The following PAX5 variants were observed in gnomAD, a reference collection of about 807,000 sequenced individuals.
PAX5 encodes the protein paired box protein Pax-5.
Under a neutral mutation model 43.7 loss-of-function variants are expected in PAX5, and 9 were observed. That is an observed-to-expected ratio of 0.21 (90% CI 0.12 to 0.36). The LOEUF (loss-of-function observed/expected upper bound fraction) is 0.36, where lower values mean the gene tolerates loss of function less well. Among genes scored for constraint, PAX5 ranks in the 10% least tolerant of loss-of-function variants. The pLI is 1.00. For synonymous variants in PAX5, 228 were observed against 214.3 expected (o/e 1.06, Z -0.56); for missense variants, 383 against 532.7 (o/e 0.72, Z 2.77).
chr9:36,966,803 A>C (rs1834482266), intron 5 of PAX5, 79 bp from the exon 6 acceptor site: 2 of 1,353,460 alleles, frequency 1.5e-6, no homozygotes, highest in Non-Finnish European at 2.1e-6. Flanking sequence ...CCCTGAGACT[A>C]TGAAGAGGAC....
At chr9:36,847,049 G>A (rs929996643) in intron 8 of PAX5, 120 bp from the exon 9 acceptor site, 5 of 652,688 alleles carry the variant, frequency 7.7e-6, no homozygotes, top group African/African-American at 3.6e-5. Context: ...AGTTGCAGGC[G>A]CTTTTGTAAC....
chr9:36,956,036 A>G (rs1833446770), intron 6 of PAX5, among the ~76,000 whole-genome samples: 1 of 152,230 alleles, frequency 6.6e-6, no homozygotes, highest in Non-Finnish European at 1.5e-5. Context: ...AACAAGGTGT[A>G]AGACCAAAAT....
chr9:36,853,035 A>G (rs1352627547), intron 8 of PAX5, among the ~76,000 whole-genome samples: 1 of 152,196 alleles, frequency 6.6e-6, no homozygotes, highest in African/African-American at 2.4e-5. Flanking sequence ...TATAGTGAAC[A>G]CCTATGTAGC....
chr9:36,869,814 G>C (rs914709681), intron 8 of PAX5, among the ~76,000 whole-genome samples: 1 of 152,000 alleles, frequency 6.6e-6, no homozygotes, highest in African/African-American at 2.4e-5. Context: ...ATAAATAGAT[G>C]GATGGATGGA....
At chr9:36,931,088 G>T in intron 6 of PAX5, 1 of 405,084 alleles carries the variant, frequency 2.5e-6, no homozygotes, top group South Asian at 1.8e-5. Flanking sequence ...CACCTGCTGG[G>T]CTCCTGTAGG....
intron 7 of PAX5, among the ~76,000 whole-genome samples, chr9:36,906,781 C>T (rs903238382): frequency 6.6e-6 from 1 of 152,224 alleles, no homozygotes; most frequent in African/African-American, 2.4e-5. Flanking sequence ...ATTTTCAAAG[C>T]CGCATGTAAG....
intron 8 of PAX5, among the ~76,000 whole-genome samples, chr9:36,847,302 C>T (rs1372683506): frequency 6.6e-6 from 1 of 152,174 alleles, no homozygotes; most frequent in East Asian, 1.9e-4. Context: ...TTGCTAAGTT[C>T]AAGGCTGCAG....
chr9:36,911,636 C>T (rs935651622), intron 7 of PAX5, among the ~76,000 whole-genome samples: 1 of 152,230 alleles, frequency 6.6e-6, no homozygotes, highest in Non-Finnish European at 1.5e-5. Flanking sequence ...TTTCATTATT[C>T]ATTATGATTT....
intron 7 of PAX5, among the ~76,000 whole-genome samples, chr9:36,895,087 C>T (rs919310087): frequency 6.6e-6 from 1 of 152,234 alleles, no homozygotes; most frequent in East Asian, 1.9e-4. Flanking sequence ...CACTCACACT[C>T]GCTGCACCTC....
At chr9:36,899,878 G>A (rs781161093) in intron 7 of PAX5, among the ~76,000 whole-genome samples, 1 of 152,112 alleles carries the variant, frequency 6.6e-6, no homozygotes, top group Non-Finnish European at 1.5e-5. Flanking sequence ...CAACCATTTC[G>A]TCCTTTCTTC....
intron 8 of PAX5, chr9:36,861,085 A>G (rs774267830): frequency 2.0e-5 from 3 of 152,294 alleles, no homozygotes; most frequent in Non-Finnish European, 4.4e-5. Context: ...CCAAGGAAAG[A>G]TAAGTGAAGA....
At position 36,996,762 on chromosome 9, in the gene PAX5, C is replaced by G. The variant is rs1014900797; in HGVS notation, c.604+5886G>C. ...CTCTGGCCATAGCTCCCGTGGAGGT[C>G]TGCTGGGCAGGGCTGAGGGGGCGTC... On this transcript the variant is annotated intron_variant, in intron 5 of 9. Transcript: ENST00000358127. Among the ~76,000 whole-genome samples the G allele has an allele frequency of 4.6e-5, 7 of 152,156 alleles. 1 individual carries two copies. Among genetic ancestry groups the G allele is most frequent in the African/African-American group, 1.7e-4 (7 of 41,432 alleles).
At chr9:36,951,030 C>G (rs901794012) in intron 6 of PAX5, among the ~76,000 whole-genome samples, 23 of 152,276 alleles carry the variant, frequency 1.5e-4, no homozygotes, top group Non-Finnish European at 1.6e-4. Context: ...GCGTGAGCCA[C>G]TGCATGAATT....
rs780476820 is a variant in PAX5 at position 37,030,497 on chromosome 9, C to T, written c.46+3489G>A. On this transcript the variant is annotated intron_variant, in intron 1 of 9. Transcript: ENST00000358127. ...GAGACTAGCAGCTCTCACCGCGGCT[C>T]TCAACGCAGTCGGGCCTCACTCTGA... 3.2e-4 allele frequency among the ~76,000 whole-genome samples: 48 copies of T among 152,244 alleles called. 1 individual carries two copies. The highest frequency in any genetic ancestry group is 1.4e-3 in the Admixed American group (21 of 15,290).
In PAX5 at chr9:36,923,346, T is replaced by C. The variant is rs191297254; in HGVS notation, c.910+9A>G. The stretch of plus-strand genomic sequence containing the variant: ...CCTCACTCATCCCCCATGCCCCAGG[T>C]GCCCTCACCTGTCACAATGGGGTAG... On this transcript the variant is annotated intron_variant, in intron 7 of 9. Transcript: ENST00000358127. 504 of 1,608,136 alleles carry C rather than the reference T, an allele frequency of 3.1e-4. No individual in the cohort carries two copies. The highest frequency in any genetic ancestry group is 4.0e-4 in the Non-Finnish European group (473 of 1,177,072).
intron 6 of PAX5, among the ~76,000 whole-genome samples, chr9:36,948,335 A>G (rs1019218577): frequency 2.6e-5 from 4 of 152,138 alleles, no homozygotes; most frequent in Admixed American, 6.5e-5. Context: ...TTCCTCCGAG[A>G]GGGACGGGAC....
At chr9:36,933,143 CA>C (rs35734654) in intron 6 of PAX5, among the ~76,000 whole-genome samples, 1,761 of 96,398 alleles carry the variant, frequency 0.018, 22 homozygotes, top group African/African-American at 0.062. Context: ...GACCCTGTCT[CA>C]AAAAAAAAAA....
rs56175234 is a variant in PAX5 at position 36,834,417 on chromosome 9, AGTGTGTGTGT to A, written c.*6133_*6142del. 5.3e-3 allele frequency: 1,178 copies of A among 224,184 alleles called. 13 individuals are homozygous for A. Among genetic ancestry groups the A allele is most frequent in the African/African-American group, 0.024 (1,047 of 43,498 alleles). The allele number at this position is 224,184 out of a possible 1,614,324, so 13.9% of individuals were successfully genotyped here. On this transcript the variant is annotated 3_prime_UTR_variant, in exon 10 of 10. Transcript: ENST00000358127. ...TGTCTGAGGTGTAGGGGAGTGAGTG[AGTGTGTGTGT>A]GTGTGTGTGTGTGTGTGTGTGTGTG...
At chr9:36,984,721 G>T (rs151158301) in intron 5 of PAX5, among the ~76,000 whole-genome samples, 61 of 152,160 alleles carry the variant, frequency 4.0e-4, no homozygotes, top group African/African-American at 1.3e-3. Context: ...CTCCCAAAGT[G>T]CTGGGATTAT....
Sources: allele counts gnomAD v4.1 joint callset (sites outside exome capture counted in the v4.1 genomes callset), GRCh38; gene constraint gnomAD v4.1.1; transcripts MANE v1.5; gene names NCBI Gene and HGNC (gene_info 2026-07-23, HGNC 2026-07-21).